The following BAIAP2L1 variants were observed in gnomAD, a reference collection of about 807,000 sequenced individuals.
BAIAP2L1 encodes BAR/IMD domain-containing adapter protein 2-like 1.
A neutral mutation model predicts 66.3 loss-of-function variants in BAIAP2L1; 35 were observed. The observed-to-expected ratio is 0.53, with a 90% CI of 0.40 to 0.70. The LOEUF (loss-of-function observed/expected upper bound fraction) is 0.70, where lower values mean the gene tolerates loss of function less well. Among genes scored for constraint, BAIAP2L1 ranks in the 30% least tolerant of loss-of-function variants. The probability of loss-of-function intolerance (pLI) is 0.00; values close to 1 mark genes in which losing one functional copy is unlikely to be tolerated. For missense variants in BAIAP2L1, 622 were observed against 656.9 expected (o/e 0.95, Z 0.58); for synonymous variants, 269 against 248.7 (o/e 1.08, Z -0.77).
chr7:98,293,649 G>A (rs1800063153), intron 13 of BAIAP2L1, 53 bp from the exon 14 acceptor site: 1 of 1,541,842 alleles, frequency 6.5e-7, no homozygotes, highest in Admixed American at 1.7e-5. Context: ...AGGGAAACTG[G>A]ATTTTAACAG....
chr7:98,292,450 C>T lies in BAIAP2L1; in HGVS notation c.*1071G>A, dbSNP rs977755038. On this transcript the variant is annotated 3_prime_UTR_variant, in exon 14 of 14. Coordinates refer to ENST00000005260, the MANE Select transcript of BAIAP2L1 (RefSeq NM_018842.5). ...CGGCCTCACAAAATGCTGGGATTCC[C>T]GTACCTGGGCCGGGCTGGGAATTTT... 1.0e-5 allele frequency: 6 copies of T among 602,832 alleles called. No individual in the cohort carries two copies. Among genetic ancestry groups the T allele is most frequent in the African/African-American group, 3.8e-5 (2 of 53,064 alleles). The allele number at this position is 602,832 out of a possible 1,614,324, so 37.3% of individuals were successfully genotyped here.
At chr7:98,312,518 C>T (rs77291249) in intron 7 of BAIAP2L1, among the ~76,000 whole-genome samples, 3,703 of 152,146 alleles carry the variant, frequency 0.024, 150 homozygotes, top group African/African-American at 0.085. Flanking sequence ...GGGACTAATA[C>T]GGGGATGGTA....
rs59633894 is a variant in BAIAP2L1 at position 98,305,047 on chromosome 7, G to GTTTTTTTT, written c.1242-679_1242-672dup. 3.2e-3 allele frequency among the ~76,000 whole-genome samples: 318 copies of GTTTTTTTT among 100,216 alleles called. 3 individuals are homozygous for GTTTTTTTT. The highest frequency in any genetic ancestry group is 0.011 in the Middle Eastern group (2 of 184). 65.7% of individuals were successfully genotyped at this position (100,216 alleles called of 152,430 possible). A position where few individuals can be genotyped will look rare whatever the true frequency, so the allele number is the denominator to read the frequency against. ...CGCCCAGCTAATTTTTTTGTTTTTTGTTTTTTTTTTTTTTTTTTTTTTTAG... is the reference window on the plus strand; with the variant it reads ...CGCCCAGCTAATTTTTTTGTTTTTTGTTTTTTTTTTTTTTTTTTTTTTTTTTTTTTTAG... On this transcript the variant is annotated intron_variant, in intron 11 of 13. Transcript: ENST00000005260.
chr7:98,337,082 G>A (rs2115613062), intron 3 of BAIAP2L1, among the ~76,000 whole-genome samples: 1 of 152,234 alleles, frequency 6.6e-6, no homozygotes, highest in East Asian at 1.9e-4. Context: ...TTCATTTACT[G>A]TGCAAAGCGC....
At chr7:98,303,519 T>G (rs1210661368) in intron 12 of BAIAP2L1, among the ~76,000 whole-genome samples, 1 of 152,104 alleles carries the variant, frequency 6.6e-6, no homozygotes, top group African/African-American at 2.4e-5. Context: ...GTGTCAGTGT[T>G]TTTGTTTATT....
intron 3 of BAIAP2L1, among the ~76,000 whole-genome samples, chr7:98,330,428 C>A (rs185933111): frequency 1.1e-4 from 16 of 152,202 alleles, no homozygotes; most frequent in African/African-American, 3.9e-4. Flanking sequence ...GAGACCGAGG[C>A]GGGCGGATCA....
chr7:98,335,389 G>A (rs1312012361), intron 3 of BAIAP2L1, among the ~76,000 whole-genome samples: 1 of 152,012 alleles, frequency 6.6e-6, no homozygotes, highest in Admixed American at 6.6e-5. Flanking sequence ...TATAGGCTTT[G>A]TACCATTTTA....
At chr7:98,375,607 G>A (rs1185073257) in intron 1 of BAIAP2L1, among the ~76,000 whole-genome samples, 1 of 151,790 alleles carries the variant, frequency 6.6e-6, no homozygotes, top group Non-Finnish European at 1.5e-5. Flanking sequence ...AAATTAGCCA[G>A]GCATGGTGGC....
intron 1 of BAIAP2L1, among the ~76,000 whole-genome samples, chr7:98,381,932 T>TG (rs1802770100): frequency 2.0e-5 from 3 of 150,760 alleles, no homozygotes; most frequent in Non-Finnish European, 4.4e-5. Context: ...CTAAGGGTTT[T>TG]TTTTTTTTTT....
chr7:98,357,860 C>T (rs760672014), intron 2 of BAIAP2L1, among the ~76,000 whole-genome samples: 16 of 152,224 alleles, frequency 1.1e-4, no homozygotes, highest in Non-Finnish European at 1.8e-4. Context: ...GTTGAGTCAG[C>T]GGGAAGGCAC....
intron 3 of BAIAP2L1, among the ~76,000 whole-genome samples, chr7:98,335,852 A>G (rs1293154165): frequency 6.6e-6 from 1 of 152,068 alleles, no homozygotes; most frequent in Non-Finnish European, 1.5e-5. Flanking sequence ...GTTCCTGTCC[A>G]GGTTTTACAG....
intron 1 of BAIAP2L1, among the ~76,000 whole-genome samples, chr7:98,364,799 A>G (rs1009516758): frequency 6.6e-6 from 1 of 151,364 alleles, no homozygotes; most frequent in Non-Finnish European, 1.5e-5. Flanking sequence ...AACCTGGACA[A>G]CATATCGAGA....
chr7:98,395,422 G>A (rs1236057254), intron 1 of BAIAP2L1, among the ~76,000 whole-genome samples: 1 of 143,260 alleles, frequency 7.0e-6, no homozygotes, highest in African/African-American at 2.6e-5. Flanking sequence ...CTGGGCGACA[G>A]AGCAAGACTG....
rs1799991163 is a variant in BAIAP2L1 at position 98,292,244 on chromosome 7, G to C, written c.*1277C>G. ...GGATAAGTCACAGCCCCAGCACCCAGCAACACACACGGTGAGCGGCCGGGC... is the reference window on the plus strand; with the variant it reads ...GGATAAGTCACAGCCCCAGCACCCACCAACACACACGGTGAGCGGCCGGGC... On this transcript the variant is annotated 3_prime_UTR_variant, in exon 14 of 14. Coordinates refer to ENST00000005260, the MANE Select transcript of BAIAP2L1 (RefSeq NM_018842.5). 3 of 254,360 alleles carry C rather than the reference G, an allele frequency of 1.2e-5. No homozygotes were observed. Among genetic ancestry groups the C allele is most frequent in the Admixed American group, 5.0e-5 (1 of 20,006 alleles). The allele number at this position is 254,360 out of a possible 1,614,324, so 15.8% of individuals were successfully genotyped here.
intron 1 of BAIAP2L1, among the ~76,000 whole-genome samples, chr7:98,397,315 G>GC (rs1221582965): frequency 2.3e-5 from 3 of 129,596 alleles, no homozygotes; most frequent in East Asian, 2.2e-4. Flanking sequence ...CACTTCTTAA[G>GC]CCCTTTTTTT....
chr7:98,311,907 CT>C (rs887158712), intron 8 of BAIAP2L1, among the ~76,000 whole-genome samples, 189 bp downstream of exon 8: 14 of 152,178 alleles, frequency 9.2e-5, no homozygotes, highest in Admixed American at 9.2e-4. Context: ...AAGACTCCAC[CT>C]TAACAACAAC....
At chr7:98,380,272 C>T (rs1208611856) in intron 1 of BAIAP2L1, among the ~76,000 whole-genome samples, 1 of 151,926 alleles carries the variant, frequency 6.6e-6, no homozygotes, top group Admixed American at 6.6e-5. Flanking sequence ...GAGATGGGCT[C>T]TTGCCATGTT....
At chr7:98,360,203 G>A (rs555672275) in intron 2 of BAIAP2L1, among the ~76,000 whole-genome samples, 18 of 152,188 alleles carry the variant, frequency 1.2e-4, no homozygotes, top group African/African-American at 4.1e-4. Flanking sequence ...GATTACAGGC[G>A]TGAACCACCG....
Position 98,320,112 on chromosome 7 carries a change from T to C in BAIAP2L1, c.294A>G (p.Lys98=). 2 of 1,612,268 alleles carry C rather than the reference T, an allele frequency of 1.2e-6. No individual in the cohort carries two copies. The change falls in exon 5 of 14, where the codon AAA becomes AAG. Residue 98 remains lysine (K), a synonymous_variant. Coordinates refer to ENST00000005260, the MANE Select transcript of BAIAP2L1 (RefSeq NM_018842.5). ...SLDENFKKFH[K]EIIHELEKKI... is the part of the protein sequence containing the mutation. ...TCTTCTCCAGCTCATGGATAATCTCTTTGTGGAATTTTTTAAACTGTTAAC... is the reference window on the plus strand; with the variant it reads ...TCTTCTCCAGCTCATGGATAATCTCCTTGTGGAATTTTTTAAACTGTTAAC...
Sources: gnomAD v4.1 joint callset for allele counts (sites outside exome capture counted in the v4.1 genomes callset) on GRCh38, gnomAD v4.1.1 for gene constraint, MANE v1.5 for transcripts, NCBI Gene and HGNC (gene_info 2026-07-23, HGNC 2026-07-21) for gene names.